PTPRD: variants seen among roughly 807,000 people sequenced by gnomAD.
PTPRD encodes the protein protein tyrosine phosphatase receptor type D, also known as receptor-type tyrosine-protein phosphatase delta.
In PTPRD, 34 loss-of-function variants were observed where a neutral mutation model predicts 214.5. The observed-to-expected ratio is 0.16, with a 90% CI of 0.12 to 0.21. The LOEUF is 0.21. PTPRD is among the 10% of genes least tolerant of loss of function. The pLI is 1.00. For synonymous variants in PTPRD, 1,128 were observed against 845.7 expected (o/e 1.33, Z -5.79); for missense variants, 2,545 against 2,398.7 (o/e 1.06, Z -1.27).
chr9:8,946,120 A>G (rs1381033615), intron 11 of PTPRD, among the ~76,000 whole-genome samples: 2 of 152,216 alleles, frequency 1.3e-5, no homozygotes, highest in African/African-American at 4.8e-5. Flanking sequence ...TACACAATAT[A>G]AAATGGTAAC....
At chr9:8,975,870 T>C (rs1418957767) in intron 11 of PTPRD, among the ~76,000 whole-genome samples, 1 of 151,868 alleles carries the variant, frequency 6.6e-6, no homozygotes, top group Non-Finnish European at 1.5e-5. Context: ...GCTTTCTTAC[T>C]TAGCATTATA....
At chr9:8,365,175 G>A (rs1312458749) in intron 39 of PTPRD, among the ~76,000 whole-genome samples, 2 of 152,092 alleles carry the variant, frequency 1.3e-5, no homozygotes, top group Non-Finnish European at 2.9e-5. Flanking sequence ...CTGCAGGAGG[G>A]GAAGTGGTCT....
At chr9:8,813,817 C>G (rs955960593) in intron 11 of PTPRD, among the ~76,000 whole-genome samples, 7 of 152,220 alleles carry the variant, frequency 4.6e-5, no homozygotes, top group African/African-American at 1.4e-4. Context: ...TCTAATATCA[C>G]AGAAAGAATT....
chr9:10,140,623 A>G (rs893235734), intron 3 of PTPRD, among the ~76,000 whole-genome samples: 3 of 152,126 alleles, frequency 2.0e-5, no homozygotes, highest in Non-Finnish European at 4.4e-5. Context: ...TACCAACGAA[A>G]AAAGTCCAGG....
intron 11 of PTPRD, among the ~76,000 whole-genome samples, chr9:8,883,649 C>T (rs1444439004): frequency 1.3e-5 from 2 of 152,184 alleles, no homozygotes; most frequent in African/African-American, 4.8e-5. Flanking sequence ...GGTGAGAGGT[C>T]AGGAGTGTAA....
chr9:10,481,388 T>C (rs1051070159), intron 2 of PTPRD, among the ~76,000 whole-genome samples: 1 of 152,200 alleles, frequency 6.6e-6, no homozygotes, highest in African/African-American at 2.4e-5. Context: ...GCTAATCTGA[T>C]ATTCATATTG....
In PTPRD at chr9:10,225,117, T is replaced by G. The variant is rs936073855; in HGVS notation, c.-545+115846A>C. On this transcript the variant is annotated intron_variant, in intron 3 of 45. Transcript: ENST00000381196. ...GCTGTGTGGCTATAACATTAATCTA[T>G]AGCTCCATGTCATAAAACTTTAACT... Among the ~76,000 whole-genome samples the G allele has an allele frequency of 2.0e-5, 3 of 152,008 alleles. No homozygotes were observed. In the East Asian group the frequency reaches 5.8e-4, roughly 29 times the overall value.
chr9:10,192,632 G>T (rs2154322851), intron 3 of PTPRD, among the ~76,000 whole-genome samples: 1 of 152,140 alleles, frequency 6.6e-6, no homozygotes, highest in Admixed American at 6.5e-5. Flanking sequence ...ATTTACATAG[G>T]AAGACCAGAG....
intron 10 of PTPRD, among the ~76,000 whole-genome samples, chr9:9,110,650 T>G (rs572417890): frequency 6.6e-6 from 1 of 152,138 alleles, no homozygotes; most frequent in South Asian, 2.1e-4. Flanking sequence ...ATCTCCAAAT[T>G]ATCAAATCAC....
chr9:10,306,540 T>C (rs2096074939), intron 3 of PTPRD, among the ~76,000 whole-genome samples: 1 of 152,082 alleles, frequency 6.6e-6, no homozygotes, highest in African/African-American at 2.4e-5. Flanking sequence ...CGATACAATA[T>C]ATAGAAACTA....
chr9:9,485,667 T>A (rs1048427713), intron 8 of PTPRD, among the ~76,000 whole-genome samples: 5 of 152,194 alleles, frequency 3.3e-5, no homozygotes, highest in Non-Finnish European at 7.3e-5. Flanking sequence ...CATCTTCTTC[T>A]ATTATTTTCT....
intron 27 of PTPRD, 27 bp downstream of exon 27, chr9:8,492,835 G>T: frequency 6.5e-7 from 1 of 1,545,682 alleles, no homozygotes. Flanking sequence ...TACTGTTCAA[G>T]GCACATACAT....
rs574242502 is a variant in PTPRD at position 8,445,501 on chromosome 9, G to A, written c.3988+4224C>T. Among the ~76,000 whole-genome samples the A allele has an allele frequency of 9.2e-5, 14 of 152,158 alleles. No homozygotes were observed. In the South Asian group the frequency reaches 1.4e-3, roughly 16 times the overall value. ...ACAGGATATTTTTTTTCATTTTAAA[G>A]TATACTTTAATAATGAAAGTGTACA... On this transcript the variant is annotated intron_variant, in intron 34 of 45. Transcript: ENST00000381196.
At chr9:9,380,374 T>A (rs1199283714) in intron 9 of PTPRD, among the ~76,000 whole-genome samples, 1 of 152,138 alleles carries the variant, frequency 6.6e-6, no homozygotes, top group African/African-American at 2.4e-5. Flanking sequence ...TATTTGTTTT[T>A]AATTTTAATT....
chr9:9,215,897 T>C (rs1394190304), intron 9 of PTPRD, among the ~76,000 whole-genome samples: 2 of 152,080 alleles, frequency 1.3e-5, no homozygotes, highest in South Asian at 2.1e-4. Flanking sequence ...AGGAGACAGA[T>C]TAGTAAATGG....
intron 7 of PTPRD, among the ~76,000 whole-genome samples, chr9:9,673,328 T>C (rs1373474602): frequency 4.6e-5 from 7 of 151,930 alleles, no homozygotes; most frequent in Non-Finnish European, 1.0e-4. Context: ...TTGTAGCCTA[T>C]ACTGTTAACT....
intron 7 of PTPRD, among the ~76,000 whole-genome samples, chr9:9,701,762 T>C (rs1413604442): frequency 3.9e-5 from 6 of 151,938 alleles, no homozygotes; most frequent in Non-Finnish European, 5.9e-5. Flanking sequence ...AATTTGGGAG[T>C]CTACACGAGA....
intron 7 of PTPRD, among the ~76,000 whole-genome samples, chr9:9,682,752 T>C (rs1051838996): frequency 3.3e-5 from 5 of 151,752 alleles, no homozygotes; most frequent in African/African-American, 1.2e-4. Context: ...CTCTCCAGCA[T>C]GCAAAATCCT....
At chr9:9,253,241 T>C (rs1282101309) in intron 9 of PTPRD, among the ~76,000 whole-genome samples, 1 of 152,036 alleles carries the variant, frequency 6.6e-6, no homozygotes, top group Non-Finnish European at 1.5e-5. Context: ...ATATCTATTT[T>C]TTTGGCTAAA....
Sources: allele counts gnomAD v4.1 joint callset (sites outside exome capture counted in the v4.1 genomes callset), GRCh38; gene constraint gnomAD v4.1.1; transcripts MANE v1.5; gene names NCBI Gene and HGNC (gene_info 2026-07-23, HGNC 2026-07-21).